Variants in LARS1 observed in about 807,000 individuals in gnomAD.
LARS1 encodes the protein leucine--tRNA ligase, cytoplasmic.
LARS1 carries 100 observed loss-of-function variants against 162.8 expected under a neutral mutation model. The ratio of observed to expected loss-of-function variants is 0.61; its 90% confidence interval spans 0.52 to 0.73. LARS1 has a LOEUF of 0.73. LARS1 is among the 30% of genes least tolerant of loss of function. The probability of loss-of-function intolerance (pLI) is 0.00; values close to 1 mark genes in which losing one functional copy is unlikely to be tolerated. For synonymous variants in LARS1, 457 were observed against 462.8 expected (o/e 0.99, Z 0.16); for missense variants, 1,258 against 1,408.9 (o/e 0.89, Z 1.71).
At position 146,151,988 on chromosome 5, in the gene LARS1, T is replaced by C; in HGVS notation, c.1299A>G (p.Glu433=). Residue 433 remains glutamate, a synonymous_variant, in exon 14 of 32, where the codon GAA becomes GAG. Transcript: ENST00000394434. Reference sequence around the variant, plus strand: ...CAGAAAGATTTCCAAAACCTGGGATTTCAATGACTGGCACCTGCAGCAAAC... The same window carrying C: ...CAGAAAGATTTCCAAAACCTGGGATCTCAATGACTGGCACCTGCAGCAAAC... The part of the protein sequence containing the change: ...VLPFEPVPVI[E]IPGFGNLSAV... The C allele has an allele frequency of 6.2e-7, 1 of 1,614,028 alleles. No homozygotes were observed. The highest frequency in any genetic ancestry group is 8.5e-7 in the Non-Finnish European group (1 of 1,180,028).
chr5:146,131,121 G>T lies in LARS1; in HGVS notation c.2397-12C>A. The stretch of plus-strand genomic sequence containing the variant: ...CTGCATTCAATTCACTATTGAATAC[G>T]GGGAAAAAAAGGTTATTGAGTTTAA... On this transcript the variant is annotated splice_polypyrimidine_tract_variant and intron_variant, in intron 23 of 31. Coordinates refer to ENST00000394434, the MANE Select transcript of LARS1 (RefSeq NM_020117.11). 2 of 1,393,946 alleles carry T rather than the reference G, an allele frequency of 1.4e-6. No individual in the cohort carries two copies. Among genetic ancestry groups the T allele is most frequent in the South Asian group, 1.3e-5 (1 of 78,034 alleles). 86.3% of individuals were successfully genotyped at this position (1,393,946 alleles called of 1,614,324 possible). A position where few individuals can be genotyped will look rare whatever the true frequency, so the allele number is the denominator to read the frequency against.
chr5:146,164,811 T>C (rs1753931132), intron 5 of LARS1, among the ~76,000 whole-genome samples: 1 of 152,198 alleles, frequency 6.6e-6, no homozygotes, highest in South Asian at 2.1e-4. Context: ...ATTTACCTTA[T>C]TTACCTATAA....
chr5:146,170,108 G>A (rs970291892), intron 4 of LARS1, among the ~76,000 whole-genome samples: 9 of 151,940 alleles, frequency 5.9e-5, no homozygotes, highest in Admixed American at 5.3e-4. Flanking sequence ...TCAATATCAC[G>A]ACAAACAACT....
chr5:146,174,229 C>A (rs1754406388), intron 2 of LARS1, among the ~76,000 whole-genome samples: 1 of 147,192 alleles, frequency 6.8e-6, no homozygotes, highest in African/African-American at 2.5e-5. Flanking sequence ...GCGGGCGGAT[C>A]ACCTGAGGTT....
chr5:146,138,885 C>A (rs1752631164), intron 21 of LARS1: 2 of 285,620 alleles, frequency 7.0e-6, no homozygotes, highest in South Asian at 3.9e-5. Context: ...CCAGAGTAAT[C>A]TGGGGAAAGG....
At chr5:146,155,467 T>C (rs1484539954) in intron 10 of LARS1, among the ~76,000 whole-genome samples, 3 of 152,220 alleles carry the variant, frequency 2.0e-5, no homozygotes. Flanking sequence ...ATAGTAGTTA[T>C]GAAGACAAAG....
At chr5:146,135,414 G>C (rs975905091) in intron 22 of LARS1, among the ~76,000 whole-genome samples, 187 bp downstream of exon 22, 2 of 152,052 alleles carry the variant, frequency 1.3e-5, no homozygotes, top group African/African-American at 4.8e-5. Context: ...ATTTGTTCCT[G>C]AACACATCAT....
rs201459961 is a variant in LARS1, at chr5:146,153,184, G to T, written c.1274C>A (p.Pro425Gln). The T allele has an allele frequency of 1.4e-5, 22 of 1,612,750 alleles. 1 individual carries two copies. The East Asian group carries it at 4.9e-4, about 36-fold the overall frequency. ...TATCTATGTACTCACCGGCTCAAAT[G>T]GCAAGACCATGTCATCTCTAATTCC... is the stretch of plus-strand genomic sequence containing the variant. ...KYGIRDDMVL[P>Q]FEPVPVIEIP... The change falls in exon 13 of 32, where the codon CCA becomes CAA. Residue 425 changes from proline to glutamine, a missense_variant. Transcript: ENST00000394434.
At chr5:146,165,226 C>G (rs908026133) in intron 5 of LARS1, among the ~76,000 whole-genome samples, 1 of 152,048 alleles carries the variant, frequency 6.6e-6, no homozygotes, top group Non-Finnish European at 1.5e-5. Context: ...CCCAGCTACC[C>G]TGGAGGCTGA....
intron 22 of LARS1, 21 bp downstream of exon 22, chr5:146,135,580 A>G (rs747452032): frequency 7.0e-6 from 11 of 1,561,438 alleles, no homozygotes; most frequent in Admixed American, 7.0e-5. Flanking sequence ...CAGAACAGCA[A>G]TAAGAAAAAT....
At position 146,165,207 on chromosome 5, in the gene LARS1, G is replaced by A. The variant is rs1185945841; in HGVS notation, c.433-736C>T. Among the ~76,000 whole-genome samples, 4 of 151,972 alleles carry A rather than the reference G, an allele frequency of 2.6e-5. No individual in the cohort carries two copies. The East Asian group carries it at 5.8e-4, about 22-fold the overall frequency. Reference sequence around the variant, plus strand: ...AAATTAGCCGGGCATGGTGGCAAGCGCCCGTAATCCCAGCTACCCTGGAGG... The same window carrying A: ...AAATTAGCCGGGCATGGTGGCAAGCACCCGTAATCCCAGCTACCCTGGAGG... On this transcript the variant is annotated intron_variant, in intron 5 of 31. Transcript: ENST00000394434.
chr5:146,118,132 G>A (rs944085219), intron 31 of LARS1, among the ~76,000 whole-genome samples: 49 of 152,086 alleles, frequency 3.2e-4, no homozygotes, highest in Admixed American at 8.5e-4. Context: ...GTCCATCAAC[G>A]GATGAATGAA....
rs778790926 is a variant in LARS1, at chr5:146,128,949, C to CT, written c.2769+28dup. The CT allele has an allele frequency of 2.4e-4, 378 of 1,543,236 alleles. 2 individuals are homozygous for CT. In the African/African-American group the frequency reaches 4.8e-3, roughly 20 times the overall value. ...GATCAATAACTTTTAAGGAATAATC[C>CT]TTTAAAAAAAAAAACAAAAAAACTT... On this transcript the variant is annotated intron_variant, in intron 26 of 31. Coordinates refer to ENST00000394434, the MANE Select transcript of LARS1 (RefSeq NM_020117.11).
rs1753912941 is a variant in LARS1 at position 146,164,474 on chromosome 5, G to A, written c.433-3C>T. ...CCAGCTTTAGCAGCAGCTTTACTCT[G>A]AAAATAATGGAGAAAAATAAACTCG... On this transcript the variant is annotated splice_region_variant and splice_polypyrimidine_tract_variant and intron_variant, in intron 5 of 31. Transcript: ENST00000394434. The A allele has an allele frequency of 1.2e-6, 2 of 1,612,014 alleles. No homozygotes were observed. The highest frequency in any genetic ancestry group is 1.3e-5 in the African/African-American group (1 of 74,766).
intron 8 of LARS1, 103 bp from the exon 9 acceptor site, chr5:146,157,898 T>A (rs1581062390): frequency 8.9e-7 from 1 of 1,123,036 alleles, no homozygotes; most frequent in South Asian, 1.3e-5. Context: ...AATGGGTTCT[T>A]GCATTATTAA....
chr5:146,138,425 A>G (rs13183171), intron 21 of LARS1: 32,938 of 143,036 alleles, frequency 0.23, 4,470 homozygotes, highest in Admixed American at 0.34. Context: ...GTTAAAAAGG[A>G]AAAAAAAAAA....
At chr5:146,163,077 G>A (rs1417488492) in intron 6 of LARS1, among the ~76,000 whole-genome samples, 1 of 152,172 alleles carries the variant, frequency 6.6e-6, no homozygotes, top group Non-Finnish European at 1.5e-5. Flanking sequence ...CCAAAATGCT[G>A]GGATTGCAGG....
intron 20 of LARS1, among the ~76,000 whole-genome samples, chr5:146,140,483 G>C (rs1351855635): frequency 6.6e-6 from 1 of 152,192 alleles, no homozygotes; most frequent in Non-Finnish European, 1.5e-5. Context: ...CTTAGGTGGG[G>C]CTACACGTAT....
chr5:146,149,444 A>T (rs1206857880), intron 15 of LARS1, among the ~76,000 whole-genome samples, 178 bp downstream of exon 15: 1 of 152,174 alleles, frequency 6.6e-6, no homozygotes, highest in Non-Finnish European at 1.5e-5. Context: ...CTTTATCAAC[A>T]TTATAGATGG....
Sources: allele counts gnomAD v4.1 joint callset (sites outside exome capture counted in the v4.1 genomes callset), GRCh38; gene constraint gnomAD v4.1.1; transcripts MANE v1.5; gene names NCBI Gene and HGNC (gene_info 2026-07-23, HGNC 2026-07-21).